SPATA17: variants seen among roughly 807,000 people sequenced by gnomAD.
The protein encoded by SPATA17 is spermatogenesis-associated protein 17.
In SPATA17, 53 loss-of-function variants were observed where a neutral mutation model predicts 62.2. The ratio of observed to expected loss-of-function variants is 0.85; its 90% CI spans 0.68 to 1.07. SPATA17 has a LOEUF of 1.07. SPATA17 is among the 50% of genes least tolerant of loss of function. The probability of loss-of-function intolerance (pLI) is 0.00; values close to 1 mark genes in which losing one functional copy is unlikely to be tolerated. For missense variants in SPATA17, 466 were observed against 425.5 expected (o/e 1.10, Z -0.84); for synonymous variants, 146 against 146.8 (o/e 0.99, Z 0.04).
chr1:217,839,649 A>G (rs1038532405), intron 9 of SPATA17, among the ~76,000 whole-genome samples: 2 of 152,058 alleles, frequency 1.3e-5, no homozygotes, highest in Non-Finnish European at 2.9e-5. Context: ...CCAAAATAAA[A>G]TTTGATACAC....
intron 5 of SPATA17, among the ~76,000 whole-genome samples, chr1:217,740,132 C>T (rs531010853): frequency 9.9e-5 from 12 of 120,898 alleles, no homozygotes; most frequent in Middle Eastern, 4.3e-3. Context: ...GTACCTTACC[C>T]GTTCATATAT....
intron 2 of SPATA17, among the ~76,000 whole-genome samples, chr1:217,650,541 A>G (rs1025587472): frequency 2.6e-5 from 4 of 151,966 alleles, no homozygotes; most frequent in Non-Finnish European, 5.9e-5. Flanking sequence ...CTCAGCCTCC[A>G]GAATAGCCAG....
chr1:217,717,109 A>T (rs6687800), intron 5 of SPATA17, among the ~76,000 whole-genome samples: 151,900 of 152,338 alleles, frequency 1, 75,732 homozygotes, highest in East Asian at 1. Context: ...ATAACTAGGC[A>T]CACATTAAGA....
chr1:217,745,788 A>C (rs1672732852), intron 6 of SPATA17, among the ~76,000 whole-genome samples: 1 of 152,092 alleles, frequency 6.6e-6, no homozygotes, highest in African/African-American at 2.4e-5. Context: ...ATTTTTTTGT[A>C]GATGGAAATT....
intron 5 of SPATA17, among the ~76,000 whole-genome samples, chr1:217,687,398 C>T (rs1286464907): frequency 6.6e-6 from 1 of 151,950 alleles, no homozygotes; most frequent in Non-Finnish European, 1.5e-5. Context: ...CAATTATTAC[C>T]TCAGGAAAAT....
chr1:217,819,272 TTC>T (rs1412212951), intron 9 of SPATA17, among the ~76,000 whole-genome samples: 1 of 152,000 alleles, frequency 6.6e-6, no homozygotes, highest in African/African-American at 2.4e-5. Flanking sequence ...GTACATACTT[TTC>T]TGTTAGTATG....
chr1:217,843,934 G>A (rs1675467277), intron 9 of SPATA17, among the ~76,000 whole-genome samples: 1 of 152,068 alleles, frequency 6.6e-6, no homozygotes, highest in African/African-American at 2.4e-5. Flanking sequence ...CTGGAAAATG[G>A]AATATAAGTA....
chr1:217,807,111 A>T (rs1274241151), intron 9 of SPATA17, among the ~76,000 whole-genome samples: 1 of 152,210 alleles, frequency 6.6e-6, no homozygotes, highest in Non-Finnish European at 1.5e-5. Flanking sequence ...AGCAACATGG[A>T]TGCAGCTGGA....
intron 5 of SPATA17, among the ~76,000 whole-genome samples, chr1:217,705,430 CTT>C (rs58138326): frequency 0.025 from 1,133 of 46,052 alleles, no homozygotes; most frequent in Non-Finnish European, 0.031. Flanking sequence ...TTCTAGTTGT[CTT>C]TTTTTTTTTT....
chr1:217,817,283 A>G (rs4846246), intron 9 of SPATA17, among the ~76,000 whole-genome samples: 91,150 of 151,862 alleles, frequency 0.6, 27,960 homozygotes, highest in Admixed American at 0.64. Context: ...GTGGTGGGAG[A>G]GACCTACTGG....
intron 9 of SPATA17, among the ~76,000 whole-genome samples, chr1:217,842,953 CTT>C (rs75537390): frequency 2.0e-5 from 3 of 148,558 alleles, no homozygotes; most frequent in Non-Finnish European, 3.0e-5. Context: ...AAAATGTTTT[CTT>C]TTTTTTTTCT....
chr1:217,766,964 G>A (rs1356521494), intron 6 of SPATA17, among the ~76,000 whole-genome samples: 1 of 151,798 alleles, frequency 6.6e-6, no homozygotes, highest in Admixed American at 6.6e-5. Flanking sequence ...TGTACTTAAT[G>A]TTTATCTCCC....
At chr1:217,835,573 T>G (rs1051309442) in intron 9 of SPATA17, among the ~76,000 whole-genome samples, 1 of 152,134 alleles carries the variant, frequency 6.6e-6, no homozygotes, top group African/African-American at 2.4e-5. Flanking sequence ...ATAACCATAG[T>G]GCATTGAATA....
intron 6 of SPATA17, among the ~76,000 whole-genome samples, chr1:217,752,763 G>C (rs1182136855): frequency 6.6e-6 from 1 of 152,022 alleles, no homozygotes; most frequent in Admixed American, 6.6e-5. Context: ...TTTAAACCTC[G>C]CTTCTCCCCC....
chr1:217,812,897 T>G (rs1674627281), intron 9 of SPATA17, among the ~76,000 whole-genome samples: 1 of 152,204 alleles, frequency 6.6e-6, no homozygotes, highest in South Asian at 2.1e-4. Flanking sequence ...TTCCCTTGTT[T>G]GAAAAATTCA....
chr1:217,642,871 A>ACAC (rs1670096944), intron 1 of SPATA17, among the ~76,000 whole-genome samples: 1 of 152,174 alleles, frequency 6.6e-6, no homozygotes, highest in South Asian at 2.1e-4. Context: ...CTTGTGTAGT[A>ACAC]TCTTTATAGC....
intron 3 of SPATA17, among the ~76,000 whole-genome samples, chr1:217,655,427 G>A (rs961255646): frequency 1.3e-5 from 2 of 152,128 alleles, no homozygotes; most frequent in Non-Finnish European, 2.9e-5. Context: ...GATTAAAGTA[G>A]TGTCTCTCGG....
At chr1:217,737,575 T>A (rs1672537657) in intron 5 of SPATA17, among the ~76,000 whole-genome samples, 1 of 152,140 alleles carries the variant, frequency 6.6e-6, no homozygotes, top group Non-Finnish European at 1.5e-5. Flanking sequence ...TGGGCCTATA[T>A]ACTCTGTCAA....
intron 9 of SPATA17, among the ~76,000 whole-genome samples, chr1:217,827,323 T>A (rs1675020358): frequency 6.6e-6 from 1 of 152,140 alleles, no homozygotes; most frequent in African/African-American, 2.4e-5. Flanking sequence ...AGAATTAATA[T>A]TGTTAAAATG....
Sources: allele counts gnomAD v4.1 joint callset (sites outside exome capture counted in the v4.1 genomes callset), GRCh38; gene constraint gnomAD v4.1.1; transcripts MANE v1.5; gene names NCBI Gene and HGNC (gene_info 2026-07-23, HGNC 2026-07-21).